The following EVI5 variants were observed in gnomAD, a reference collection of about 807,000 sequenced individuals.
EVI5 encodes ecotropic viral integration site 5 protein homolog.
In EVI5, 73 loss-of-function variants were observed where a neutral mutation model predicts 112.0. The ratio of observed to expected loss-of-function variants is 0.65; its 90% CI spans 0.54 to 0.79. The LOEUF is 0.79. Ranked by LOEUF, EVI5 falls within the 30% of genes least tolerant of loss-of-function variation. The pLI, the probability that EVI5 is intolerant of heterozygous loss-of-function variation, is 0.00. For synonymous variants in EVI5, 305 were observed against 319.9 expected (o/e 0.95, Z 0.50); for missense variants, 900 against 968.8 (o/e 0.93, Z 0.94).
chr1:92,548,377 C>T (rs1347139061), intron 19 of EVI5, among the ~76,000 whole-genome samples: 4 of 152,100 alleles, frequency 2.6e-5, no homozygotes, highest in African/African-American at 9.7e-5. Context: ...TATGACAAAC[C>T]CACAGCCAAT....
chr1:92,556,469 A>C (rs960259903), intron 19 of EVI5, among the ~76,000 whole-genome samples: 1 of 152,266 alleles, frequency 6.6e-6, no homozygotes, highest in Non-Finnish European at 1.5e-5. Flanking sequence ...CATTTTAAGT[A>C]AGATGACATA....
intron 2 of EVI5, among the ~76,000 whole-genome samples, chr1:92,729,051 C>T (rs1445106983): frequency 6.6e-6 from 1 of 152,130 alleles, no homozygotes; most frequent in Non-Finnish European, 1.5e-5. Flanking sequence ...AAAGTGCTTC[C>T]TTCAAGTGAG....
At chr1:92,553,776 T>C (rs1218342523) in intron 19 of EVI5, among the ~76,000 whole-genome samples, 1 of 152,184 alleles carries the variant, frequency 6.6e-6, no homozygotes, top group Non-Finnish European at 1.5e-5. Flanking sequence ...TACAGTATGT[T>C]ATACATTCTT....
At chr1:92,551,405 A>G (rs1666916909) in intron 19 of EVI5, among the ~76,000 whole-genome samples, 1 of 152,160 alleles carries the variant, frequency 6.6e-6, no homozygotes. Context: ...ATGGAAGAAA[A>G]GAATGGGAGT....
At chr1:92,548,660 A>G (rs1666229648) in intron 19 of EVI5, among the ~76,000 whole-genome samples, 1 of 152,246 alleles carries the variant, frequency 6.6e-6, no homozygotes, top group African/African-American at 2.4e-5. Context: ...TCAGGATACA[A>G]AATCAATGTG....
chr1:92,631,230 G>C (rs1451426828), intron 14 of EVI5, among the ~76,000 whole-genome samples: 1 of 152,144 alleles, frequency 6.6e-6, no homozygotes, highest in Non-Finnish European at 1.5e-5. Flanking sequence ...GTCATTGGTA[G>C]CTTGATGGGG....
intron 13 of EVI5, among the ~76,000 whole-genome samples, chr1:92,640,276 A>C (rs1018058351): frequency 1.3e-5 from 2 of 152,236 alleles, no homozygotes; most frequent in Non-Finnish European, 2.9e-5. Flanking sequence ...ATCTAATTAA[A>C]GAGCTTCTGC....
Position 92,621,718 on chromosome 1 carries a change from A to C in EVI5, c.1827+2458T>G, listed in dbSNP as rs371906692. 2.0e-5 allele frequency among the ~76,000 whole-genome samples: 3 copies of C among 152,232 alleles called. No individual in the cohort carries two copies. In the East Asian group the frequency reaches 5.8e-4, roughly 29 times the overall value. ...TTAGCCTATTGAGAGTTGAACAATC[A>C]TTTATCAGACTGCATTTTAAAAAGT... On this transcript the variant is annotated intron_variant, in intron 16 of 19. Transcript: ENST00000684568.
intron 11 of EVI5, among the ~76,000 whole-genome samples, chr1:92,665,492 C>T (rs1368440558): frequency 6.6e-6 from 1 of 152,112 alleles, no homozygotes; most frequent in Non-Finnish European, 1.5e-5. Flanking sequence ...TGAAAATCAA[C>T]ATGAGTGAAT....
At chr1:92,684,848 G>A (rs948587333) in intron 9 of EVI5, among the ~76,000 whole-genome samples, 1 of 152,044 alleles carries the variant, frequency 6.6e-6, no homozygotes, top group African/African-American at 2.4e-5. Context: ...TCAACAAGAA[G>A]AGCTAACTAT....
At chr1:92,699,436 T>G (rs1337242530) in intron 5 of EVI5, among the ~76,000 whole-genome samples, 1 of 152,184 alleles carries the variant, frequency 6.6e-6, no homozygotes, top group African/African-American at 2.4e-5. Flanking sequence ...CCTCTCTTTC[T>G]TTAGCTGAAA....
intron 13 of EVI5, among the ~76,000 whole-genome samples, chr1:92,656,939 C>T (rs1572142848): frequency 6.6e-6 from 1 of 152,102 alleles, no homozygotes; most frequent in Non-Finnish European, 1.5e-5. Context: ...AATTCACAGC[C>T]AAATTCTACC....
At chr1:92,547,207 A>C (rs1384871472) in intron 19 of EVI5, among the ~76,000 whole-genome samples, 2 of 152,126 alleles carry the variant, frequency 1.3e-5, no homozygotes, top group Non-Finnish European at 2.9e-5. Context: ...CTCAAAACTG[A>C]TCAACTACAT....
intron 19 of EVI5, among the ~76,000 whole-genome samples, chr1:92,525,076 C>T (rs2101773924): frequency 6.6e-6 from 1 of 152,220 alleles, no homozygotes; most frequent in Middle Eastern, 3.4e-3. Flanking sequence ...GATCTGCCCG[C>T]CTTGGTCTCC....
chr1:92,590,658 G>A (rs1673669417), intron 18 of EVI5, among the ~76,000 whole-genome samples: 1 of 152,186 alleles, frequency 6.6e-6, no homozygotes, highest in Admixed American at 6.5e-5. Flanking sequence ...GAAAGTGACG[G>A]GGAGAATGGA....
intron 10 of EVI5, among the ~76,000 whole-genome samples, chr1:92,672,683 C>A (rs527964832): frequency 2.6e-5 from 4 of 152,076 alleles, no homozygotes; most frequent in Non-Finnish European, 5.9e-5. Flanking sequence ...ATTTCAAGTG[C>A]CTAGAACAGT....
At chr1:92,539,328 GTCAGGAGATGGAGACCA>G (rs1272841998) in intron 19 of EVI5, among the ~76,000 whole-genome samples, 1 of 152,090 alleles carries the variant, frequency 6.6e-6, no homozygotes, top group African/African-American at 2.4e-5. Context: ...GGATCACGAG[GTCAGGAGATGGAGACCA>G]TCCTGGCTAA....
chr1:92,702,375 C>A (rs1183207468), intron 4 of EVI5, among the ~76,000 whole-genome samples, 160 bp from the exon 5 acceptor site: 2 of 151,224 alleles, frequency 1.3e-5, no homozygotes, highest in African/African-American at 4.9e-5. Flanking sequence ...ATTTAAAAAG[C>A]AAATGTTTTA....
At chr1:92,614,195 G>A (rs1225606306) in intron 16 of EVI5, among the ~76,000 whole-genome samples, 4 of 152,074 alleles carry the variant, frequency 2.6e-5, no homozygotes, top group Admixed American at 2.0e-4. Flanking sequence ...CCACTTTAAA[G>A]GCCTAGCAGA....
Sources: allele counts gnomAD v4.1 joint callset (sites outside exome capture counted in the v4.1 genomes callset), GRCh38; gene constraint gnomAD v4.1.1; transcripts MANE v1.5; gene names NCBI Gene and HGNC (gene_info 2026-07-23, HGNC 2026-07-21).